DLX2: variants seen among roughly 807,000 people sequenced by gnomAD.
DLX2 encodes the protein homeobox protein DLX-2.
Under a neutral mutation model 27.4 loss-of-function variants are expected in DLX2, and 8 were observed. The observed-to-expected ratio is 0.29, with a 90% confidence interval of 0.17 to 0.53. The LOEUF (loss-of-function observed/expected upper bound fraction) is 0.53, where lower values mean the gene tolerates loss of function less well. DLX2 is among the 20% of genes least tolerant of loss of function. DLX2 has a pLI of 0.96. For synonymous variants in DLX2, 210 were observed against 200.8 expected, an observed-to-expected ratio of 1.05 and a Z score of -0.39; for missense variants, 421 against 450.9, an observed-to-expected ratio of 0.93 and a Z score of 0.60.
Position 172,100,773 on chromosome 2 carries a change from C to G in DLX2, c.757G>C (p.Gly253Arg). ...CCGCTGCCGCCACTGCCCGGACCAC[C>G]GCCGCCCGCCATCCGCTGCGGCACA... ...FGVPQRMAGG[G>R]GPGSGGSGAG... Residue 253 changes from glycine (G) to arginine (R), a missense_variant, in exon 3 of 3, where the codon GGT (glycine) becomes CGT (arginine). By Grantham distance (125) the Gly-to-Arg change is moderately radical. Transcript: ENST00000234198. This position sits in a 1 kb window ranked among gnomAD's most constrained non-coding sequence, Gnocchi z 4.5. 3 of 1,579,880 alleles carry G rather than the reference C, an allele frequency of 1.9e-6. No homozygotes were observed. The highest frequency in any genetic ancestry group is 1.1e-5 in the South Asian group (1 of 88,384).
chr2:172,100,181 G>T lies in DLX2; in HGVS notation c.*362C>A. On this transcript the variant is annotated 3_prime_UTR_variant, in exon 3 of 3. Transcript: ENST00000234198. The surrounding 1 kb of genome is among the most constrained non-coding windows in gnomAD (Gnocchi z 4.5). Reference sequence around the variant, plus strand: ...AGCGCCCGGGAAGCCTCGCGCGCCTGGGAGGCTTCCATCTCCCGGGACCCA... The same window carrying T: ...AGCGCCCGGGAAGCCTCGCGCGCCTTGGAGGCTTCCATCTCCCGGGACCCA... 1 of 213,000 alleles carries T rather than the reference G, an allele frequency of 4.7e-6. No individual in the cohort carries two copies. Among genetic ancestry groups the T allele is most frequent in the Non-Finnish European group, 9.3e-6 (1 of 107,970 alleles). 13.2% of individuals were successfully genotyped at this position (213,000 alleles called of 1,614,324 possible).
chr2:172,101,722 G>T (rs566394292), intron 1 of DLX2, 76 bp from the exon 2 acceptor site: 261 of 1,485,968 alleles, frequency 1.8e-4, no homozygotes, highest in Admixed American at 8.4e-4. Flanking sequence ...GGGCCCGGCG[G>T]GGGGGACTTG....
chr2:172,101,302 G>T, intron 2 of DLX2, 160 bp downstream of exon 2: 2 of 878,436 alleles, frequency 2.3e-6, no homozygotes, highest in Non-Finnish European at 3.4e-6. Context: ...GGGGTTTCCA[G>T]CTTTGGGCCT....
At chr2:172,101,015 A>G in intron 2 of DLX2, 71 bp from the exon 3 acceptor site, 2 of 1,526,132 alleles carry the variant, frequency 1.3e-6, no homozygotes, top group South Asian at 1.2e-5. Context: ...GAAGAGGAGA[A>G]AAAAGAAGGC....
chr2:172,102,063 C>T (rs983436909), intron 1 of DLX2, 76 bp downstream of exon 1: 198 of 1,539,860 alleles, frequency 1.3e-4, no homozygotes, highest in Non-Finnish European at 1.7e-4. Context: ...CGAAGGCCCC[C>T]CGCCCCAAAC....
In DLX2 at chr2:172,100,573, GC is replaced by G; in HGVS notation, c.956del (p.Gly319AlafsTer4). 2 of 1,576,470 alleles carry G rather than the reference GC, an allele frequency of 1.3e-6. No homozygotes were observed. Among genetic ancestry groups the G allele is most frequent in the Non-Finnish European group, 1.7e-6 (2 of 1,165,636 alleles). On this transcript the variant is annotated frameshift_variant, in exon 3 of 3. Coordinates refer to ENST00000234198, the MANE Select transcript of DLX2 (RefSeq NM_004405.4). LOFTEE classifies it high-confidence loss of function. The surrounding 1 kb of genome is among the most constrained non-coding windows in gnomAD (Gnocchi z 4.5). ...AAATCGTCCCCGCGCTCACCGGGGC[GC>G]CCCCGCCGCCGTGATGGTGGTGGTG... ...HHHHHHHGGGGAPVSAGTIF is the reference protein window; with the variant it reads ...HHHHHHHGGGXAPVSAGTIF
rs1559032647 is a variant in DLX2, at chr2:172,101,665, G to GT, written c.401-20dup. On this transcript the variant is annotated intron_variant, in intron 1 of 2. Coordinates refer to ENST00000234198, the MANE Select transcript of DLX2 (RefSeq NM_004405.4). ...TCCTTCTCTGCAACGATAAAGAATCGTAAGAACAGCGCAACCCAGGGGTCC... is the reference window on the plus strand; with the variant it reads ...TCCTTCTCTGCAACGATAAAGAATCGTTAAGAACAGCGCAACCCAGGGGTCC... 19 of 1,612,118 alleles carry GT rather than the reference G, an allele frequency of 1.2e-5. No homozygotes were observed. The highest frequency in any genetic ancestry group is 1.5e-5 in the Non-Finnish European group (18 of 1,179,240).
At chr2:172,102,113 A>C (rs779458094) in intron 1 of DLX2, 26 bp downstream of exon 1, 2 of 1,602,494 alleles carry the variant, frequency 1.2e-6, no homozygotes, top group South Asian at 1.1e-5. Flanking sequence ...CCGACTCGGC[A>C]CTCTTGACTT....
In DLX2 at chr2:172,102,416, G is replaced by GCTT. The variant is rs1454470981; in HGVS notation, c.122_123insAAG (p.Asn40_Ser41insArg). 6.4e-7 allele frequency: 1 copy of GCTT among 1,550,792 alleles called. No individual in the cohort carries two copies. Among genetic ancestry groups the GCTT allele is most frequent in the East Asian group, 2.4e-5 (1 of 40,872 alleles). ...GCTTGTGGAGGCTGCTGCTGCTGCT[G>GCTT]CTGTTGCCACCCGGGCCGGCGCCGC... On this transcript the variant is annotated inframe_insertion, in exon 1 of 3. Transcript: ENST00000234198.
rs901863157 is a variant in DLX2 at position 172,101,618 on chromosome 2, C to T, written c.429G>A (p.Arg143=). Residue 143 remains arginine, a synonymous_variant, in exon 2 of 3, where the codon CGG becomes CGA. Coordinates refer to ENST00000234198, the MANE Select transcript of DLX2 (RefSeq NM_004405.4). ...CTTTCTTTGGCTTCCCGTTCACTAT[C>T]CGAATTTCAGGCTCAAGGTCCTCCT... The part of the protein sequence containing the change: ...PEKEDLEPEI[R]IVNGKPKKVR... 1 of 1,614,222 alleles carries T rather than the reference C, an allele frequency of 6.2e-7. No individual in the cohort carries two copies. The highest frequency in any genetic ancestry group is 1.7e-5 in the Admixed American group (1 of 60,032).
chr2:172,100,354 G>T lies in DLX2; in HGVS notation c.*189C>A. 1 of 552,716 alleles carries T rather than the reference G, an allele frequency of 1.8e-6. No individual in the cohort carries two copies. The allele number at this position is 552,716 out of a possible 1,614,324, so 34.2% of individuals were successfully genotyped here. ...GGAGGCCTTTGCCAAGCTGCTGTCCGGTTCCCCCGAGAGAGGGGCCCGTTT... is the reference window on the plus strand; with the variant it reads ...GGAGGCCTTTGCCAAGCTGCTGTCCTGTTCCCCCGAGAGAGGGGCCCGTTT... On this transcript the variant is annotated 3_prime_UTR_variant, in exon 3 of 3. Transcript: ENST00000234198. This position sits in a 1 kb window ranked among gnomAD's most constrained non-coding sequence, Gnocchi z 4.5.
chr2:172,102,024 G>T, intron 1 of DLX2, 115 bp downstream of exon 1: 1 of 1,495,434 alleles, frequency 6.7e-7, no homozygotes. Context: ...AGCGGGCGGT[G>T]AGCAGGCAGC....
chr2:172,101,631 T>A lies in DLX2; in HGVS notation c.416A>T (p.Glu139Val). The change falls in exon 2 of 3, where the codon GAG becomes GTG. Residue 139 changes from glutamate (E) to valine (V), a missense_variant. Physicochemically the swap from Glu to Val is moderately radical, Grantham distance 121. This residue lies in a region of DLX2 where 141 missense variants were observed against 123.5 expected (regional missense o/e 1.14). Coordinates refer to ENST00000234198, the MANE Select transcript of DLX2 (RefSeq NM_004405.4). ...ANNEPEKEDL[E>V]PEIRIVNGKP... Reference sequence around the variant, plus strand: ...CCCGTTCACTATCCGAATTTCAGGCTCAAGGTCCTCCTTCTCTGCAACGAT... The same window carrying A: ...CCCGTTCACTATCCGAATTTCAGGCACAAGGTCCTCCTTCTCTGCAACGAT... 6.2e-7 allele frequency: 1 copy of A among 1,614,172 alleles called. No homozygotes were observed. Among genetic ancestry groups the A allele is most frequent in the Non-Finnish European group, 8.5e-7 (1 of 1,180,016 alleles).
chr2:172,102,554 G>T lies in DLX2; in HGVS notation c.-16C>A. The T allele has an allele frequency of 6.6e-7, 1 of 1,516,124 alleles. No homozygotes were observed. Among genetic ancestry groups the T allele is most frequent in the Non-Finnish European group, 8.8e-7 (1 of 1,133,318 alleles). The allele number at this position is 1,516,124 out of a possible 1,614,324, so 93.9% of individuals were successfully genotyped here. Reference sequence around the variant, plus strand: ...CTCCAGTCATCCTGGCCCGAGACGGGAAAGAGCAGAGGTGGCGGGCGTGCG... The same window carrying T: ...CTCCAGTCATCCTGGCCCGAGACGGTAAAGAGCAGAGGTGGCGGGCGTGCG... On this transcript the variant is annotated 5_prime_UTR_variant, in exon 1 of 3. Transcript: ENST00000234198.
At chr2:172,101,020 G>C in intron 2 of DLX2, 76 bp from the exon 3 acceptor site, 1 of 1,512,170 alleles carries the variant, frequency 6.6e-7, no homozygotes, top group Non-Finnish European at 9.0e-7. Context: ...GGAGAAAAAA[G>C]AAGGCAGAGA....
chr2:172,100,995 G>A lies in DLX2; in HGVS notation c.586-51C>T. 6.4e-7 allele frequency: 1 copy of A among 1,569,706 alleles called. No individual in the cohort carries two copies. On this transcript the variant is annotated intron_variant, in intron 2 of 2. Coordinates refer to ENST00000234198, the MANE Select transcript of DLX2 (RefSeq NM_004405.4). The surrounding 1 kb of genome is among the most constrained non-coding windows in gnomAD (Gnocchi z 4.5). The stretch of plus-strand genomic sequence containing the variant: ...AGTGGAGGAACCTAGTCTTGGGGCA[G>A]TAGGGGTTCGAAGAGGAGAAAAAAG...
rs967588217 is a variant in DLX2, at chr2:172,099,793, T to C, written c.*750A>G. The C allele has an allele frequency of 6.5e-6, 1 of 152,746 alleles. No individual in the cohort carries two copies. Among genetic ancestry groups the C allele is most frequent in the East Asian group, 1.9e-4 (1 of 5,192 alleles). The allele number at this position is 152,746 out of a possible 1,614,324, so 9.5% of individuals were successfully genotyped here. ...CCAAGTCCAGGCTAATAATCCTGAA[T>C]AGGTTTTAAAAAAGATAATTTAAAC... On this transcript the variant is annotated 3_prime_UTR_variant, in exon 3 of 3. Transcript: ENST00000234198.
At position 172,102,819 on chromosome 2, in the gene DLX2, A is replaced by C; in HGVS notation, c.-281T>G. 1 of 43,772 alleles carries C rather than the reference A, an allele frequency of 2.3e-5. No homozygotes were observed. Among genetic ancestry groups the C allele is most frequent in the Non-Finnish European group, 4.5e-5 (1 of 22,372 alleles). The allele number at this position is 43,772 out of a possible 1,614,324, so 2.7% of individuals were successfully genotyped here. ...GGCTCTGGCGGGGGGCGGGCAGTGG[A>C]GGGGGCAGGGGTGGCTGGGCCGGGT... On this transcript the variant is annotated 5_prime_UTR_variant, in exon 1 of 3. Coordinates refer to ENST00000234198, the MANE Select transcript of DLX2 (RefSeq NM_004405.4).
Position 172,099,557 on chromosome 2 carries a change from T to C in DLX2, c.*986A>G, listed in dbSNP as rs1304679301. ...CCTTTCATTTCAACAACAAAGACTT[T>C]AGGATACGATAAAACAAATCCAAAT... is the stretch of plus-strand genomic sequence containing the variant. On this transcript the variant is annotated 3_prime_UTR_variant, in exon 3 of 3. Transcript: ENST00000234198. The C allele has an allele frequency of 6.5e-6, 1 of 152,672 alleles. No homozygotes were observed. Among genetic ancestry groups the C allele is most frequent in the African/African-American group, 2.4e-5 (1 of 41,456 alleles). 9.5% of individuals were successfully genotyped at this position (152,672 alleles called of 1,614,324 possible). A position where few individuals can be genotyped will look rare whatever the true frequency, so the allele number is the denominator to read the frequency against.
Sources: allele counts gnomAD v4.1 joint callset, GRCh38; gene constraint gnomAD v4.1.1; regional missense constraint gnomAD v4.1.1; non-coding constraint Gnocchi (gnomAD v3.1); transcripts MANE v1.5; gene names NCBI Gene and HGNC (gene_info 2026-07-23, HGNC 2026-07-21).